Variants in COL19A1 observed in about 807,000 individuals in gnomAD.
COL19A1 encodes the protein collagen type XIX alpha 1 chain, also known as collagen alpha-1(XIX) chain.
Under a neutral mutation model 190.2 loss-of-function variants are expected in COL19A1, and 159 were observed. The ratio of observed to expected loss-of-function variants is 0.84; its 90% CI spans 0.73 to 0.95. COL19A1 has a LOEUF of 0.95. Among genes scored for constraint, COL19A1 ranks in the 40% least tolerant of loss-of-function variants. The pLI, the probability that COL19A1 is intolerant of heterozygous loss-of-function variation, is 0.00. For synonymous variants in COL19A1, 509 were observed against 458.9 expected, an observed-to-expected ratio of 1.11 and a Z score of -1.39; for missense variants, 1,418 against 1,431.9, an observed-to-expected ratio of 0.99 and a Z score of 0.16.
chr6:70,045,648 G>C (rs1779871240), intron 14 of COL19A1, among the ~76,000 whole-genome samples: 1 of 152,318 alleles, frequency 6.6e-6, no homozygotes, highest in Middle Eastern at 3.4e-3. Context: ...TTTGCACTGT[G>C]TATGTTTGGT....
At chr6:70,087,879 G>A (rs1782676843) in intron 15 of COL19A1, among the ~76,000 whole-genome samples, 1 of 152,160 alleles carries the variant, frequency 6.6e-6, no homozygotes, top group Admixed American at 6.5e-5. Context: ...GCACTAGAGA[G>A]CACATGCTAT....
At chr6:69,943,893 G>A (rs1021307382) in intron 9 of COL19A1, among the ~76,000 whole-genome samples, 4 of 152,108 alleles carry the variant, frequency 2.6e-5, no homozygotes, top group African/African-American at 9.7e-5. Context: ...AGTCATGTAA[G>A]CAAATCCTGT....
chr6:69,919,274 C>A (rs1290211449), intron 4 of COL19A1, among the ~76,000 whole-genome samples: 1 of 152,148 alleles, frequency 6.6e-6, no homozygotes, highest in Non-Finnish European at 1.5e-5. Context: ...TAATGTGTGA[C>A]CGACTTTTTG....
At chr6:70,206,400 G>T (rs539830253) in intron 49 of COL19A1, among the ~76,000 whole-genome samples, 1 of 152,094 alleles carries the variant, frequency 6.6e-6, no homozygotes, top group Non-Finnish European at 1.5e-5. Flanking sequence ...ATGCCAAGGC[G>T]GGCAGATCAC....
intron 11 of COL19A1, among the ~76,000 whole-genome samples, chr6:70,010,606 C>T (rs1165752435): frequency 7.1e-6 from 1 of 140,520 alleles, no homozygotes; most frequent in Non-Finnish European, 1.5e-5. Flanking sequence ...GACGGACGCA[C>T]CTGGAAAATA....
At chr6:70,130,330 A>ATTC in intron 18 of COL19A1, 107 bp downstream of exon 18, 1 of 854,596 alleles carries the variant, frequency 1.2e-6, no homozygotes, top group East Asian at 2.9e-5. Flanking sequence ...GGTTCAAGTG[A>ATTC]TTCTCCTGCC....
chr6:69,878,456 G>A (rs550141173), intron 1 of COL19A1, among the ~76,000 whole-genome samples: 4 of 151,732 alleles, frequency 2.6e-5, no homozygotes, highest in African/African-American at 9.7e-5. Context: ...CCTCGTGATC[G>A]CCCGCCTCGG....
rs560556807 is a variant in COL19A1, at chr6:70,074,227, G to A, written c.1224+5751G>A. ...ATAATAATAGTGTTTCATTGGGCGC[G>A]GTGGCTCATGTCTGTAATCCCAGCA... On this transcript the variant is annotated intron_variant, in intron 15 of 50. Coordinates refer to ENST00000620364, the MANE Select transcript of COL19A1 (RefSeq NM_001858.6). Among the ~76,000 whole-genome samples, 7 of 151,956 alleles carry A rather than the reference G, an allele frequency of 4.6e-5. No individual in the cohort carries two copies. In the East Asian group the frequency reaches 5.8e-4, roughly 13 times the overall value.
At chr6:69,930,861 T>C (rs1403644108) in intron 6 of COL19A1, among the ~76,000 whole-genome samples, 1 of 151,964 alleles carries the variant, frequency 6.6e-6, no homozygotes, top group African/African-American at 2.4e-5. Context: ...CTAAAGAATA[T>C]CACGTGAATC....
intron 9 of COL19A1, among the ~76,000 whole-genome samples, chr6:69,947,158 G>A (rs1773870545): frequency 1.3e-5 from 2 of 151,730 alleles, no homozygotes; most frequent in South Asian, 2.1e-4. Flanking sequence ...ATATAATATG[G>A]TGTCTTAATA....
At chr6:69,877,744 G>T (rs1321532294) in intron 1 of COL19A1, among the ~76,000 whole-genome samples, 2 of 152,098 alleles carry the variant, frequency 1.3e-5, no homozygotes, top group East Asian at 1.9e-4. Context: ...AAGGAGGCTG[G>T]GCATGGTGGC....
intron 47 of COL19A1, among the ~76,000 whole-genome samples, chr6:70,189,279 G>A (rs977944084): frequency 2.0e-5 from 3 of 152,140 alleles, no homozygotes; most frequent in Non-Finnish European, 2.9e-5. Flanking sequence ...AGTGAAGAGC[G>A]ATGAGGAACC....
rs192269582 is a variant in COL19A1 at position 69,917,248 on chromosome 6, C to A, written c.267-10661C>A. 3.3e-5 allele frequency among the ~76,000 whole-genome samples: 5 copies of A among 152,282 alleles called. No individual in the cohort carries two copies. The East Asian group carries it at 7.7e-4, about 23-fold the overall frequency. ...TTTTTCTATCAAAGTTTTTGATTAA[C>A]CTGCTTTAGAATCACATAGGATTTG... On this transcript the variant is annotated intron_variant, in intron 4 of 50. Transcript: ENST00000620364.
chr6:70,168,002 C>A (rs762010865), intron 37 of COL19A1, 23 bp from the exon 38 acceptor site: 10 of 1,545,116 alleles, frequency 6.5e-6, no homozygotes, highest in Non-Finnish European at 8.0e-6. Context: ...AAGAATAATT[C>A]TGTATCTCAC....
rs756573530 is a variant in COL19A1 at position 69,943,511 on chromosome 6, A to AT, written c.936+5415dup. 4.0e-4 allele frequency among the ~76,000 whole-genome samples: 61 copies of AT among 152,028 alleles called. No individual in the cohort carries two copies. In the East Asian group the frequency reaches 8.5e-3, roughly 21 times the overall value. On this transcript the variant is annotated intron_variant, in intron 9 of 50. Coordinates refer to ENST00000620364, the MANE Select transcript of COL19A1 (RefSeq NM_001858.6). ...TAATGTACCAAAGCATTTTCCATAC[A>AT]TTTTCCCCCAGAAGATTCATAGTTT... is the stretch of plus-strand genomic sequence containing the variant.
intron 11 of COL19A1, among the ~76,000 whole-genome samples, chr6:70,018,203 A>G (rs549944474): frequency 1.3e-5 from 2 of 152,238 alleles, no homozygotes; most frequent in South Asian, 4.1e-4. Flanking sequence ...TGTTCCATGT[A>G]GAAGAGTAAA....
chr6:69,997,014 C>CATAT (rs370136850), intron 11 of COL19A1, among the ~76,000 whole-genome samples: 3,776 of 142,582 alleles, frequency 0.026, 98 homozygotes, highest in African/African-American at 0.063. Flanking sequence ...TTTATATATA[C>CATAT]ATATATATAT....
At chr6:70,094,793 T>C (rs1783141737) in intron 15 of COL19A1, among the ~76,000 whole-genome samples, 1 of 152,194 alleles carries the variant, frequency 6.6e-6, no homozygotes, top group Non-Finnish European at 1.5e-5. Flanking sequence ...CTTTTTTTCT[T>C]GCTGTTAATA....
intron 20 of COL19A1, 37 bp downstream of exon 20, chr6:70,141,026 C>T (rs777485350): frequency 2.6e-6 from 4 of 1,562,474 alleles, no homozygotes; most frequent in Non-Finnish European, 2.6e-6. Flanking sequence ...GGGTTTTCTA[C>T]TTCATTGATT....
Sources: gnomAD v4.1 joint callset for allele counts (sites outside exome capture counted in the v4.1 genomes callset) on GRCh38, gnomAD v4.1.1 for gene constraint, MANE v1.5 for transcripts, NCBI Gene and HGNC (gene_info 2026-07-23, HGNC 2026-07-21) for gene names.